PBRM1: variants seen among roughly 807,000 people sequenced by gnomAD.
PBRM1 encodes polybromo 1, also known as protein polybromo-1.
In PBRM1, 27 loss-of-function variants were observed where a neutral mutation model predicts 194.5. The ratio of observed to expected loss-of-function variants is 0.14; its 90% CI spans 0.10 to 0.19. PBRM1 has a LOEUF of 0.19. PBRM1 is among the 10% of genes least tolerant of loss of function. The pLI is 1.00. For synonymous variants in PBRM1, 655 were observed against 693.2 expected, an observed-to-expected ratio of 0.94 and a Z score of 0.87; for missense variants, 1,466 against 2,077.2, an observed-to-expected ratio of 0.71 and a Z score of 5.72.
intron 17 of PBRM1, among the ~76,000 whole-genome samples, chr3:52,589,709 GAAGA>G (rs1197742729): frequency 4.6e-5 from 7 of 151,724 alleles, no homozygotes; most frequent in East Asian, 1.9e-4. Context: ...TCTTAGAATT[GAAGA>G]AATATAGAAT....
intron 17 of PBRM1, among the ~76,000 whole-genome samples, chr3:52,597,584 T>C (rs892739653): frequency 2.6e-5 from 4 of 152,092 alleles, no homozygotes; most frequent in African/African-American, 9.7e-5. Context: ...TTTGTTTTTT[T>C]ACAGACAGGG....
chr3:52,572,712 C>T (rs2087835672), intron 22 of PBRM1, among the ~76,000 whole-genome samples: 1 of 151,988 alleles, frequency 6.6e-6, no homozygotes, highest in African/African-American at 2.4e-5. Flanking sequence ...AATTCTTCAA[C>T]GAAACTGAAA....
At chr3:52,564,225 C>T (rs143617370) in exon 23 of PBRM1, 8 of 1,610,820 alleles carry the variant, frequency 5.0e-6, no homozygotes, top group Non-Finnish European at 6.8e-6. Context: ...GACAACACAG[C>T]ACACTTTCCT....
chr3:52,596,436 CAAAAAAAAAAAAAAAAAAAAAAAAAAAA>C lies in PBRM1; in HGVS notation c.2779+7057_2779+7084del, dbSNP rs763007814. 2.4e-4 allele frequency among the ~76,000 whole-genome samples: 12 copies of C among 50,376 alleles called. No homozygotes were observed. In the East Asian group the frequency reaches 7.2e-3, roughly 30 times the overall value. 33.0% of individuals were successfully genotyped at this position (50,376 alleles called of 152,430 possible). A position where few individuals can be genotyped will look rare whatever the true frequency, so the allele number is the denominator to read the frequency against. ...CTGGCGACAGAGTGAGACTCCGTCTCAAAAAAAAAAAAAAAAAAAAAAAAAAAAAAAAAAAAAAAAAAAAGAAATGTAT... is the reference window on the plus strand; with the variant it reads ...CTGGCGACAGAGTGAGACTCCGTCTCAAAAAAAAAAAAAAAAGAAATGTAT... On this transcript the variant is annotated intron_variant, in intron 17 of 29. Coordinates refer to ENST00000296302, the Ensembl canonical transcript of PBRM1.
At chr3:52,569,231 G>T (rs1281774940) in intron 22 of PBRM1, among the ~76,000 whole-genome samples, 20 of 142,880 alleles carry the variant, frequency 1.4e-4, no homozygotes, top group African/African-American at 5.1e-4. Context: ...TTTTTTTTTA[G>T]ATGGAGTCTT....
chr3:52,603,495 A>G (rs1181535024), intron 17 of PBRM1, 26 bp downstream of exon 19: 1 of 1,574,742 alleles, frequency 6.4e-7, no homozygotes, highest in Non-Finnish European at 8.6e-7. Flanking sequence ...ATTTTTTCAT[A>G]TTCAATAAAA....
upstream of PBRM1, chr3:52,681,748 C>G (rs1311127023): frequency 9.8e-7 from 1 of 1,017,524 alleles, no homozygotes; most frequent in East Asian, 6.6e-5. Context: ...CTCATTATGT[C>G]TGAAAGCCAA....
At chr3:52,675,601 G>A (rs2097080498) in intron 2 of PBRM1, among the ~76,000 whole-genome samples, 1 of 152,174 alleles carries the variant, frequency 6.6e-6, no homozygotes, top group Non-Finnish European at 1.5e-5. Flanking sequence ...TAGAGGAAAA[G>A]CTTTAAGTAT....
At chr3:52,653,326 G>C (rs1486723217) in intron 5 of PBRM1, among the ~76,000 whole-genome samples, 1 of 151,402 alleles carries the variant, frequency 6.6e-6, no homozygotes, top group African/African-American at 2.4e-5. Flanking sequence ...ATGGTGGCTC[G>C]CGCCTGTAAT....
At position 52,652,479 on chromosome 3, in the gene PBRM1, G is replaced by C. The variant is rs1236639331; in HGVS notation, c.646-669C>G. On this transcript the variant is annotated intron_variant, in intron 5 of 29. Transcript: ENST00000296302. Reference sequence around the variant, plus strand: ...CGAGGCGGGTGGTTCACGAGGTCAGGAGATTGAGACCATCCTGGCTAACGT... The same window carrying C: ...CGAGGCGGGTGGTTCACGAGGTCAGCAGATTGAGACCATCCTGGCTAACGT... Among the ~76,000 whole-genome samples, 7 of 149,222 alleles carry C rather than the reference G, an allele frequency of 4.7e-5. No individual in the cohort carries two copies. In the Admixed American group the frequency reaches 4.7e-4, roughly 10 times the overall value.
At chr3:52,661,977 T>G (rs1431555148) in intron 4 of PBRM1, among the ~76,000 whole-genome samples, 156 bp downstream of exon 5, 1 of 151,930 alleles carries the variant, frequency 6.6e-6, no homozygotes, top group African/African-American at 2.4e-5. Flanking sequence ...AAAAATGGAG[T>G]GGGGCTCTCT....
chr3:52,639,003 G>A, intron 10 of PBRM1, among the ~76,000 whole-genome samples: 1 of 110,798 alleles, frequency 9.0e-6, no homozygotes, highest in South Asian at 3.6e-4. Flanking sequence ...GGGGGGCGGG[G>A]GACAAAGTTT....
At chr3:52,643,196 C>A in intron 9 of PBRM1, 52 bp downstream of exon 10, 1 of 1,258,518 alleles carries the variant, frequency 7.9e-7, no homozygotes, top group Non-Finnish European at 1.2e-6. Context: ...TACTAGTATG[C>A]CTATCTTTAT....
intron 15 of PBRM1, among the ~76,000 whole-genome samples, chr3:52,610,811 C>T (rs902229213): frequency 3.3e-5 from 5 of 151,964 alleles, no homozygotes; most frequent in East Asian, 1.9e-4. Context: ...GTGGTGGTGG[C>T]GCCTGTAATC....
exon 20 of PBRM1, chr3:52,586,650 C>G (rs1055502479): frequency 3.1e-6 from 5 of 1,611,034 alleles, no homozygotes; most frequent in Non-Finnish European, 4.2e-6. Flanking sequence ...CAAAAACATC[C>G]TCATCTCGGA....
intron 20 of PBRM1, among the ~76,000 whole-genome samples, chr3:52,580,348 G>A (rs2090794070): frequency 2.0e-5 from 3 of 152,002 alleles, no homozygotes; most frequent in Admixed American, 6.6e-5. Context: ...ATATAAACAT[G>A]CTTTTTTTGT....
chr3:52,562,078 T>A, intron 24 of PBRM1, 110 bp from the exon 27 acceptor site: 1 of 777,146 alleles, frequency 1.3e-6, no homozygotes. Context: ...TCCCAGCACT[T>A]TGGGGGGCCG....
exon 9 of PBRM1, chr3:52,643,297 T>C: frequency 6.2e-7 from 1 of 1,613,870 alleles, no homozygotes. Context: ...CTGCCTTTAC[T>C]GTGTGAAGGA....
chr3:52,668,821 A>G (rs1168021986), intron 2 of PBRM1, among the ~76,000 whole-genome samples, 176 bp from the exon 4 acceptor site: 1 of 151,766 alleles, frequency 6.6e-6, no homozygotes, highest in Non-Finnish European at 1.5e-5. Context: ...GCAAAAAAAG[A>G]AAAAGAAAAG....
Sources: gnomAD v4.1 joint callset for allele counts (sites outside exome capture counted in the v4.1 genomes callset) on GRCh38, gnomAD v4.1.1 for gene constraint, MANE v1.5 for transcripts, NCBI Gene and HGNC (gene_info 2026-07-23, HGNC 2026-07-21) for gene names.